PTPRD: variants seen among roughly 807,000 people sequenced by gnomAD.
The protein encoded by PTPRD is protein tyrosine phosphatase receptor type D.
In PTPRD, 34 loss-of-function variants were observed where a neutral mutation model predicts 214.5. That is an observed-to-expected ratio of 0.16 (90% CI 0.12 to 0.21). The LOEUF is 0.21. PTPRD is among the 10% of genes least tolerant of loss of function. The pLI, the probability that PTPRD is intolerant of heterozygous loss-of-function variation, is 1.00. For missense variants in PTPRD, 2,545 were observed against 2,398.7 expected (o/e 1.06, Z -1.27); for synonymous variants, 1,128 against 845.7 (o/e 1.33, Z -5.79).
chr9:9,789,346 G>A (rs1487589690), intron 5 of PTPRD, among the ~76,000 whole-genome samples: 1 of 152,178 alleles, frequency 6.6e-6, no homozygotes, highest in East Asian at 1.9e-4. Flanking sequence ...AGCTTGGGAA[G>A]TGCACTGGAT....
At chr9:9,106,037 T>C (rs374750457) in intron 10 of PTPRD, among the ~76,000 whole-genome samples, 2 of 151,588 alleles carry the variant, frequency 1.3e-5, no homozygotes, top group Non-Finnish European at 1.5e-5. Flanking sequence ...AAAGGGGGGG[T>C]CGATGGCTGA....
intron 11 of PTPRD, among the ~76,000 whole-genome samples, chr9:8,769,969 A>G (rs563334814): frequency 6.0e-4 from 91 of 152,294 alleles, no homozygotes; most frequent in African/African-American, 2.1e-3. Context: ...TAAGACAGCT[A>G]TGAGTGAAAA....
chr9:9,788,469 A>G (rs12351867), intron 5 of PTPRD, among the ~76,000 whole-genome samples: 4,178 of 149,846 alleles, frequency 0.028, 225 homozygotes, highest in African/African-American at 0.097. Flanking sequence ...GGAGAATGGC[A>G]TGAACCCGGG....
At chr9:8,818,762 T>C (rs1010040768) in intron 11 of PTPRD, among the ~76,000 whole-genome samples, 1 of 152,260 alleles carries the variant, frequency 6.6e-6, no homozygotes, top group African/African-American at 2.4e-5. Flanking sequence ...ATTGCATTTA[T>C]AAAATTTCAA....
intron 5 of PTPRD, among the ~76,000 whole-genome samples, chr9:9,781,762 T>C (rs1056464542): frequency 6.6e-6 from 1 of 152,058 alleles, no homozygotes; most frequent in African/African-American, 2.4e-5. Flanking sequence ...TCTCCCTCTA[T>C]TATCTTTTGA....
chr9:8,978,311 T>TA (rs1280571438), intron 11 of PTPRD, among the ~76,000 whole-genome samples: 2 of 152,246 alleles, frequency 1.3e-5, no homozygotes, highest in Admixed American at 1.3e-4. Flanking sequence ...TTATGGTTGT[T>TA]ACTGTGTAAG....
chr9:10,487,966 GTCTCTCTCTCTCTC>G (rs56372955), intron 2 of PTPRD, among the ~76,000 whole-genome samples: 27 of 110,318 alleles, frequency 2.4e-4, no homozygotes, highest in Admixed American at 1.0e-3. Context: ...AATGAACACA[GTCTCTCTCTCTCTC>G]TCTCTCTCTC....
intron 9 of PTPRD, among the ~76,000 whole-genome samples, chr9:9,377,219 C>A (rs144897907): frequency 1.3e-4 from 20 of 152,088 alleles, no homozygotes; most frequent in African/African-American, 4.3e-4. Context: ...TATATGAATA[C>A]AGTATCTTTG....
chr9:10,366,763 C>G (rs958004575), intron 2 of PTPRD, among the ~76,000 whole-genome samples: 6 of 152,132 alleles, frequency 3.9e-5, no homozygotes, highest in Admixed American at 3.9e-4. Context: ...TTGCCACGTA[C>G]TTGCTCCATG....
chr9:9,489,886 A>G (rs2095826582), intron 8 of PTPRD, among the ~76,000 whole-genome samples: 1 of 152,146 alleles, frequency 6.6e-6, no homozygotes, highest in Non-Finnish European at 1.5e-5. Flanking sequence ...AAAAGACATG[A>G]ATATAAACAT....
At chr9:8,772,900 T>G (rs964555235) in intron 11 of PTPRD, among the ~76,000 whole-genome samples, 2 of 152,204 alleles carry the variant, frequency 1.3e-5, no homozygotes, top group Non-Finnish European at 2.9e-5. Context: ...TTAAGATTCT[T>G]GGAAACATTT....
chr9:9,353,119 G>T lies in PTPRD; in HGVS notation c.-203+44330C>A, dbSNP rs1047748678. Among the ~76,000 whole-genome samples the T allele has an allele frequency of 7.2e-5, 11 of 151,990 alleles. No homozygotes were observed. The East Asian group carries it at 1.9e-3, about 27-fold the overall frequency. ...TTCAATGTTCACTAGAGAAGTTCAG[G>T]CTCGGTCAAAAGACTGTCCTTGAAA... is the stretch of plus-strand genomic sequence containing the variant. On this transcript the variant is annotated intron_variant, in intron 9 of 45. Coordinates refer to ENST00000381196, the MANE Select transcript of PTPRD (RefSeq NM_002839.4).
intron 3 of PTPRD, among the ~76,000 whole-genome samples, chr9:10,039,663 T>C (rs1180702495): frequency 6.6e-6 from 1 of 151,802 alleles, no homozygotes; most frequent in East Asian, 1.9e-4. Context: ...GGCCCTCAGT[T>C]TTCTTTTCTG....
chr9:8,900,746 G>C (rs1018119841), intron 11 of PTPRD, among the ~76,000 whole-genome samples: 4 of 152,140 alleles, frequency 2.6e-5, no homozygotes, highest in African/African-American at 7.2e-5. Context: ...AACCAAATTA[G>C]CACTGAACAC....
intron 31 of PTPRD, among the ~76,000 whole-genome samples, chr9:8,466,153 T>C (rs1398763638): frequency 6.6e-6 from 1 of 151,974 alleles, no homozygotes; most frequent in Admixed American, 6.6e-5. Context: ...ATAACTCATA[T>C]GATACAAATT....
At chr9:10,547,878 G>C (rs909171336) in intron 2 of PTPRD, among the ~76,000 whole-genome samples, 1 of 152,000 alleles carries the variant, frequency 6.6e-6, no homozygotes, top group Non-Finnish European at 1.5e-5. Flanking sequence ...CATGATATTT[G>C]GTTGGGATCG....
chr9:10,103,401 A>ATATATATATATATATATATATATATG (rs1321996717), intron 3 of PTPRD, among the ~76,000 whole-genome samples: 2 of 144,814 alleles, frequency 1.4e-5, no homozygotes, highest in Non-Finnish European at 1.5e-5. Context: ...ATATTTATTT[A>ATATATATATATATATATATATATATG]AGAGCATTGC....
chr9:8,724,925 G>T (rs1488489103), intron 12 of PTPRD, among the ~76,000 whole-genome samples: 2 of 152,118 alleles, frequency 1.3e-5, no homozygotes, highest in African/African-American at 4.8e-5. Context: ...ATAACAGAGT[G>T]AGACCCTGTG....
intron 7 of PTPRD, among the ~76,000 whole-genome samples, chr9:9,580,206 T>G (rs1430107219): frequency 6.6e-6 from 1 of 152,156 alleles, no homozygotes; most frequent in African/African-American, 2.4e-5. Context: ...AATGATTTCT[T>G]TTCCTTCGGG....
Sources: allele counts gnomAD v4.1 joint callset (sites outside exome capture counted in the v4.1 genomes callset), GRCh38; gene constraint gnomAD v4.1.1; transcripts MANE v1.5; gene names NCBI Gene and HGNC (gene_info 2026-07-23, HGNC 2026-07-21).